The following CXCL9 variants were observed in gnomAD, a reference collection of about 807,000 sequenced individuals.
CXCL9 encodes the protein C-X-C motif chemokine ligand 9.
In CXCL9, 8 loss-of-function variants were observed where a neutral mutation model predicts 11.7. The observed-to-expected ratio is 0.68, with a 90% CI of 0.40 to 1.23. CXCL9 has a LOEUF of 1.23. Ranked by LOEUF, CXCL9 falls within the 50% of genes most tolerant of loss-of-function variation. The probability of loss-of-function intolerance (pLI) is 0.01; values close to 1 mark genes in which losing one functional copy is unlikely to be tolerated. For synonymous variants in CXCL9, 43 were observed against 48.2 expected (o/e 0.89, Z 0.45); for missense variants, 133 against 141.7 (o/e 0.94, Z 0.31).
chr4:76,005,058 C>CT, intron 2 of CXCL9, 165 bp from the exon 3 acceptor site: 7 of 1,020,332 alleles, frequency 6.9e-6, no homozygotes, highest in Non-Finnish European at 7.5e-6. Flanking sequence ...TTTTTTTTTT[C>CT]TTTTTTTGAG....
In CXCL9 at chr4:76,007,437, C is replaced by A. The variant is rs1472043719; in HGVS notation, c.13G>T (p.Gly5Cys). The A allele has an allele frequency of 1.9e-6, 3 of 1,590,798 alleles. No individual in the cohort carries two copies. Among genetic ancestry groups the A allele is most frequent in the Non-Finnish European group, 2.6e-6 (3 of 1,158,760 alleles). ...ATGATGCCCAAGAGGAAAAGAACAC[C>A]ACTTTTCTTCATAGTGATAGAATGG... MKKS[G>C]VLFLLGIILL... Residue 5 changes from glycine (G) to cysteine (C), a missense_variant, in exon 1 of 4, where the codon GGT (glycine) becomes TGT (cysteine). Gly to Cys is a radical substitution (Grantham distance 159). Coordinates refer to ENST00000264888, the MANE Select transcript of CXCL9 (RefSeq NM_002416.3).
In CXCL9 at chr4:76,003,524, C is replaced by T; in HGVS notation, c.*74G>A. 1.2e-6 allele frequency: 1 copy of T among 830,482 alleles called. No homozygotes were observed. The highest frequency in any genetic ancestry group is 2.0e-6 in the Non-Finnish European group (1 of 500,938). The allele number at this position is 830,482 out of a possible 1,614,324, so 51.4% of individuals were successfully genotyped here. ...ATAAGCCTTTGTATTATATGCCATC[C>T]TCCTTTGGAATGATAGCGGTATAAT... On this transcript the variant is annotated 3_prime_UTR_variant, in exon 4 of 4. Transcript: ENST00000264888.
intron 1 of CXCL9, among the ~76,000 whole-genome samples, chr4:76,006,955 A>G (rs1731597898): frequency 6.6e-6 from 1 of 152,224 alleles, no homozygotes; most frequent in African/African-American, 2.4e-5. Context: ...ACAGATGATG[A>G]GGAAACTGAG....
rs1321661452 is a variant in CXCL9, at chr4:76,003,578, C to T, written c.*20G>A. On this transcript the variant is annotated 3_prime_UTR_variant, in exon 4 of 4. Coordinates refer to ENST00000264888, the MANE Select transcript of CXCL9 (RefSeq NM_002416.3). Reference sequence around the variant, plus strand: ...AATAGAACATTTTTAACACAGAATACTTATTGGTGAAGTGGTCTCTTATGT... The same window carrying T: ...AATAGAACATTTTTAACACAGAATATTTATTGGTGAAGTGGTCTCTTATGT... 1.5e-6 allele frequency: 2 copies of T among 1,358,612 alleles called. No individual in the cohort carries two copies. Among genetic ancestry groups the T allele is most frequent in the Non-Finnish European group, 2.1e-6 (2 of 953,022 alleles). 84.2% of individuals were successfully genotyped at this position (1,358,612 alleles called of 1,614,324 possible). A position where few individuals can be genotyped will look rare whatever the true frequency, so the allele number is the denominator to read the frequency against.
intron 2 of CXCL9, 151 bp from the exon 3 acceptor site, chr4:76,005,044 AT>A (rs1160243265): frequency 0.071 from 62,908 of 881,432 alleles, 13 homozygotes; most frequent in East Asian, 0.088. Flanking sequence ...CACTGGTTGA[AT>A]TTTTTTTTTT....
intron 3 of CXCL9, among the ~76,000 whole-genome samples, chr4:76,004,419 C>A (rs1313527318): frequency 6.6e-6 from 1 of 152,212 alleles, no homozygotes; most frequent in African/African-American, 2.4e-5. Context: ...AGTACTCCCT[C>A]CTCTATGTCG....
chr4:76,005,013 A>T, intron 2 of CXCL9, 120 bp from the exon 3 acceptor site: 2 of 1,293,190 alleles, frequency 1.5e-6, no homozygotes, highest in South Asian at 2.5e-5. Flanking sequence ...ACTTAAAATT[A>T]TTTCCTAGGA....
Position 76,006,604 on chromosome 4 carries a change from AT to A in CXCL9, c.65-331del, listed in dbSNP as rs541269629. 9.1e-4 allele frequency among the ~76,000 whole-genome samples: 139 copies of A among 152,348 alleles called. 4 individuals carry two copies. Among genetic ancestry groups the A allele is most frequent in the Middle Eastern group, 3.4e-3 (1 of 294 alleles). On this transcript the variant is annotated intron_variant, in intron 1 of 3. Transcript: ENST00000264888. The stretch of plus-strand genomic sequence containing the variant: ...AAGAGACTTTCACAATATTTAATAA[AT>A]GCCTATCACAAGACAAACAGATAAC...
Position 76,004,770 on chromosome 4 carries a change from T to C in CXCL9, c.276+39A>G, listed in dbSNP as rs767385020. 15 of 1,582,736 alleles carry C rather than the reference T, an allele frequency of 9.5e-6. No homozygotes were observed. The African/African-American group carries it at 1.8e-4, about 19-fold the overall frequency. ...GATTCTTTGTCTTCTAAAGTTAATT[T>C]CTAAAAGAAAGAAAATTTTGATCTT... On this transcript the variant is annotated intron_variant, in intron 3 of 3. Coordinates refer to ENST00000264888, the MANE Select transcript of CXCL9 (RefSeq NM_002416.3).
chr4:76,006,340 A>G, intron 1 of CXCL9, 66 bp from the exon 2 acceptor site: 2 of 1,481,550 alleles, frequency 1.3e-6, no homozygotes, highest in African/African-American at 2.8e-5. Context: ...TGATCTATCA[A>G]AATGATACAC....
At position 76,003,607 on chromosome 4, in the gene CXCL9, C is replaced by G; in HGVS notation, c.369G>C (p.Lys123Asn). Reference sequence around the variant, plus strand: ...TTGGTGAAGTGGTCTCTTATGTAGTCTTCTTTTGACGAGAACGTTGAGATT... The same window carrying G: ...TTGGTGAAGTGGTCTCTTATGTAGTGTTCTTTTGACGAGAACGTTGAGATT... ...VRKSQRSRQK[K>N]TT The change falls in exon 4 of 4, where the codon AAG (lysine) becomes AAC (asparagine). Residue 123 changes from lysine to asparagine, a missense_variant. Lys to Asn is a moderately conservative substitution (Grantham distance 94). Transcript: ENST00000264888. The G allele has an allele frequency of 6.3e-7, 1 of 1,586,280 alleles. No individual in the cohort carries two copies. Among genetic ancestry groups the G allele is most frequent in the Non-Finnish European group, 8.7e-7 (1 of 1,155,944 alleles).
At position 76,002,014 on chromosome 4, in the gene CXCL9, G is replaced by A. The variant is rs41462147; in HGVS notation, c.*1584C>T. The A allele has an allele frequency of 4.3e-4, 129 of 298,708 alleles. 1 individual carries two copies. The Admixed American group carries it at 5.6e-3, about 13-fold the overall frequency. 18.5% of individuals were successfully genotyped at this position (298,708 alleles called of 1,614,324 possible). On this transcript the variant is annotated 3_prime_UTR_variant, in exon 4 of 4. Coordinates refer to ENST00000264888, the MANE Select transcript of CXCL9 (RefSeq NM_002416.3). The stretch of plus-strand genomic sequence containing the variant: ...TTCCTCTAGCGCTTAGTACTTCACC[G>A]TTCCCTTTCTTCATGGGAGATGGTG...
rs1731605645 is a variant in CXCL9, at chr4:76,007,251, T to G, written c.64+135A>C. On this transcript the variant is annotated intron_variant, in intron 1 of 3. Transcript: ENST00000264888. ...TATGAACTTTGGATAACTGGTCATGTCACTGAGAAGCTTTTATGACTGACC... is the reference window on the plus strand; with the variant it reads ...TATGAACTTTGGATAACTGGTCATGGCACTGAGAAGCTTTTATGACTGACC... 5 of 701,110 alleles carry G rather than the reference T, an allele frequency of 7.1e-6. No individual in the cohort carries two copies. In the South Asian group the frequency reaches 8.3e-5, roughly 12 times the overall value. The allele number at this position is 701,110 out of a possible 1,614,324, so 43.4% of individuals were successfully genotyped here. A position where few individuals can be genotyped will look rare whatever the true frequency, so the allele number is the denominator to read the frequency against.
chr4:76,003,906 G>A (rs1578166599), intron 3 of CXCL9, among the ~76,000 whole-genome samples: 1 of 152,136 alleles, frequency 6.6e-6, no homozygotes, highest in African/African-American at 2.4e-5. Context: ...GCTGTCTTTT[G>A]TCTATTCTTC....
At chr4:76,005,962 C>T (rs986530688) in intron 2 of CXCL9, 186 bp downstream of exon 2, 3 of 515,212 alleles carry the variant, frequency 5.8e-6, no homozygotes, top group African/African-American at 5.8e-5. Flanking sequence ...TTCTTGGGGC[C>T]TAATCTACCA....
At chr4:76,006,360 T>A in intron 1 of CXCL9, 86 bp from the exon 2 acceptor site, 1 of 1,321,828 alleles carries the variant, frequency 7.6e-7, no homozygotes, top group Non-Finnish European at 1.1e-6. Context: ...CTTGACTGAG[T>A]CATGATTATT....
chr4:76,005,032 G>A, intron 2 of CXCL9, 139 bp from the exon 3 acceptor site: 1 of 1,232,938 alleles, frequency 8.1e-7, no homozygotes, highest in Non-Finnish European at 1.0e-6. Context: ...GACAAGATGA[G>A]TCACTGGTTG....
chr4:76,004,858 T>A lies in CXCL9; in HGVS notation c.227A>T (p.Asn76Ile), dbSNP rs1731554597. Residue 76 changes from asparagine to isoleucine, a missense_variant, in exon 3 of 4, where the codon AAC becomes ATC. By Grantham distance (149) the Asn-to-Ile change is moderately radical. Coordinates refer to ENST00000264888, the MANE Select transcript of CXCL9 (RefSeq NM_002416.3). ...TTCCTTCACATCTGCTGAATCTGGG[T>A]TTAGACATGTTTGAACTCCATTCTT... ...TLKNGVQTCLNPDSADVKELI... is the reference protein window; with the variant it reads ...TLKNGVQTCLIPDSADVKELI... 4 of 1,609,264 alleles carry A rather than the reference T, an allele frequency of 2.5e-6. No homozygotes were observed. The highest frequency in any genetic ancestry group is 3.4e-6 in the Non-Finnish European group (4 of 1,178,430).
At chr4:76,004,453 A>G (rs1731545587) in intron 3 of CXCL9, among the ~76,000 whole-genome samples, 1 of 152,176 alleles carries the variant, frequency 6.6e-6, no homozygotes, top group African/African-American at 2.4e-5. Context: ...GCATACTTTT[A>G]TATTTCTCAC....
Sources: gnomAD v4.1 joint callset for allele counts (sites outside exome capture counted in the v4.1 genomes callset) on GRCh38, gnomAD v4.1.1 for gene constraint, MANE v1.5 for transcripts, NCBI Gene and HGNC (gene_info 2026-07-23, HGNC 2026-07-21) for gene names.